APBB2: variants seen among roughly 807,000 people sequenced by gnomAD.
APBB2 encodes the protein amyloid beta precursor protein binding family B member 2.
APBB2 carries 38 observed loss-of-function variants against 82.5 expected under a neutral mutation model. The observed-to-expected ratio is 0.46, with a 90% CI of 0.36 to 0.60. The LOEUF (loss-of-function observed/expected upper bound fraction) is 0.60, where lower values mean the gene tolerates loss of function less well. Ranked by LOEUF, APBB2 falls within the 20% of genes least tolerant of loss-of-function variation. APBB2 has a pLI of 0.00. For missense variants in APBB2, 772 were observed against 972.3 expected (o/e 0.79, Z 2.74); for synonymous variants, 341 against 368.2 (o/e 0.93, Z 0.85).
At chr4:40,839,085 T>C (rs1754975247) in intron 12 of APBB2, among the ~76,000 whole-genome samples, 1 of 152,104 alleles carries the variant, frequency 6.6e-6, no homozygotes, top group African/African-American at 2.4e-5. Context: ...TATTTTTCAC[T>C]TTATTATTTT....
chr4:41,197,990 A>G, intron 1 of APBB2, among the ~76,000 whole-genome samples: 1 of 152,218 alleles, frequency 6.6e-6, no homozygotes, highest in African/African-American at 2.4e-5. Context: ...TAGGTACTTT[A>G]AGTATTTTAA....
Position 40,823,691 on chromosome 4 carries a change from C to T in APBB2, c.1885G>A (p.Val629Met). 1.2e-6 allele frequency: 2 copies of T among 1,614,050 alleles called. No homozygotes were observed. The highest frequency in any genetic ancestry group is 1.7e-6 in the Non-Finnish European group (2 of 1,179,984). Reference protein sequence around the residue: ...TSSNKEDWLSVNMNVADATVT... With the variant: ...TSSNKEDWLSMNMNVADATVT... ...GTGGCATCAGCCACGTTCATGTTCACTGACAGCCAGTCCTCCTTGTTGGAT... is the reference window on the plus strand; with the variant it reads ...GTGGCATCAGCCACGTTCATGTTCATTGACAGCCAGTCCTCCTTGTTGGAT... Residue 629 changes from valine to methionine, a missense_variant, in exon 16 of 18, where the codon GTG (valine) becomes ATG (methionine). Coordinates refer to ENST00000508593, the MANE Select transcript of APBB2 (RefSeq NM_004307.2).
chr4:41,142,493 C>A (rs1299163581), intron 2 of APBB2, among the ~76,000 whole-genome samples: 1 of 152,142 alleles, frequency 6.6e-6, no homozygotes, highest in Non-Finnish European at 1.5e-5. Flanking sequence ...TATATAAAAT[C>A]TGGCCAAGCA....
At chr4:41,126,282 G>A (rs1338263887) in intron 2 of APBB2, among the ~76,000 whole-genome samples, 1 of 151,988 alleles carries the variant, frequency 6.6e-6, no homozygotes, top group East Asian at 1.9e-4. Flanking sequence ...TACTTGGGAG[G>A]CTGAAGCAGG....
At position 41,014,410 on chromosome 4, in the gene APBB2, A is replaced by G. The variant is rs1204171032; in HGVS notation, c.20-12T>C. On this transcript the variant is annotated splice_polypyrimidine_tract_variant and intron_variant, in intron 5 of 17. Coordinates refer to ENST00000508593, the MANE Select transcript of APBB2 (RefSeq NM_004307.2). ...AACACCTGAGTCAGCTGGGGAAAAA[A>G]AAAGTCATTAGACACCTGCCATGAT... The G allele has an allele frequency of 1.2e-6, 2 of 1,611,276 alleles. No individual in the cohort carries two copies. The highest frequency in any genetic ancestry group is 2.7e-5 in the African/African-American group (2 of 74,888).
intron 1 of APBB2, among the ~76,000 whole-genome samples, chr4:41,150,207 G>C (rs1356807908): frequency 1.3e-5 from 2 of 152,170 alleles, no homozygotes; most frequent in African/African-American, 4.8e-5. Flanking sequence ...ACTGTTTTCT[G>C]AACTTAAATC....
intron 6 of APBB2, among the ~76,000 whole-genome samples, chr4:40,954,317 A>G (rs1012335978): frequency 6.6e-6 from 1 of 152,240 alleles, no homozygotes; most frequent in Non-Finnish European, 1.5e-5. Flanking sequence ...GGTCCTTAGG[A>G]AGGCAATCGC....
intron 6 of APBB2, among the ~76,000 whole-genome samples, chr4:40,949,105 C>T (rs1317295000): frequency 6.6e-6 from 1 of 151,874 alleles, no homozygotes; most frequent in African/African-American, 2.4e-5. Context: ...ATGGTGAAAT[C>T]CCATCTTTAC....
At chr4:41,105,852 C>T (rs1747038020) in intron 2 of APBB2, among the ~76,000 whole-genome samples, 1 of 149,460 alleles carries the variant, frequency 6.7e-6, no homozygotes, top group South Asian at 2.1e-4. Flanking sequence ...CGCCACTGCA[C>T]TCCAGCCTGG....
chr4:40,889,291 T>G (rs575746666), intron 12 of APBB2, among the ~76,000 whole-genome samples: 1 of 152,362 alleles, frequency 6.6e-6, no homozygotes, highest in African/African-American at 2.4e-5. Context: ...TAATCCTTCC[T>G]TTCTGGTTTA....
chr4:40,971,273 G>C (rs1795865252), intron 6 of APBB2, among the ~76,000 whole-genome samples: 1 of 152,146 alleles, frequency 6.6e-6, no homozygotes. Flanking sequence ...AAACAAACCA[G>C]TGACTTTTTA....
chr4:41,126,465 C>A (rs943274237), intron 2 of APBB2, among the ~76,000 whole-genome samples: 2 of 152,102 alleles, frequency 1.3e-5, no homozygotes, highest in African/African-American at 4.8e-5. Context: ...AGTTACCTGG[C>A]GACCCTGTGA....
At chr4:41,096,630 C>T (rs1743563109) in intron 3 of APBB2, among the ~76,000 whole-genome samples, 1 of 152,162 alleles carries the variant, frequency 6.6e-6, no homozygotes, top group Non-Finnish European at 1.5e-5. Context: ...TTTCCTTTTT[C>T]CATTTCCTAA....
chr4:41,003,743 C>T (rs1407106715), intron 6 of APBB2, among the ~76,000 whole-genome samples: 3 of 152,188 alleles, frequency 2.0e-5, no homozygotes, highest in African/African-American at 4.8e-5. Flanking sequence ...GACAGAGTCT[C>T]GCTCTGTTGC....
intron 4 of APBB2, among the ~76,000 whole-genome samples, chr4:41,033,621 C>CACACACACAA (rs3222357): frequency 1.3e-4 from 19 of 141,554 alleles, no homozygotes; most frequent in Non-Finnish European, 2.3e-4. Flanking sequence ...CACACACACA[C>CACACACACAA]AATTCAGCAC....
intron 6 of APBB2, among the ~76,000 whole-genome samples, chr4:40,974,010 C>A (rs1387855624): frequency 6.6e-6 from 1 of 152,018 alleles, no homozygotes; most frequent in African/African-American, 2.4e-5. Context: ...CGCCACCACA[C>A]CTGGCTAATT....
chr4:41,102,880 TC>T (rs1745963433), intron 2 of APBB2, among the ~76,000 whole-genome samples: 1 of 152,230 alleles, frequency 6.6e-6, no homozygotes, highest in South Asian at 2.1e-4. Context: ...TCAGTTCCCA[TC>T]CCTTTTTAAT....
At chr4:41,213,189 T>C (rs563932002) in intron 1 of APBB2, among the ~76,000 whole-genome samples, 2 of 152,066 alleles carry the variant, frequency 1.3e-5, no homozygotes, top group Admixed American at 1.3e-4. Flanking sequence ...AAACAAATGA[T>C]AAACCCATGC....
intron 2 of APBB2, among the ~76,000 whole-genome samples, chr4:41,114,972 C>T (rs1289818111): frequency 6.6e-6 from 1 of 152,196 alleles, no homozygotes; most frequent in Non-Finnish European, 1.5e-5. Context: ...GAAAATACTA[C>T]TTTAAATTTC....
Sources: allele counts gnomAD v4.1 joint callset (sites outside exome capture counted in the v4.1 genomes callset), GRCh38; gene constraint gnomAD v4.1.1; transcripts MANE v1.5; gene names NCBI Gene and HGNC (gene_info 2026-07-23, HGNC 2026-07-21).